Variants in SENP2 observed in about 807,000 individuals in gnomAD.
SENP2 encodes the protein SUMO specific peptidase 2.
A neutral mutation model predicts 86.3 loss-of-function variants in SENP2; 16 were observed. That is an observed-to-expected ratio of 0.19 (90% confidence interval 0.13 to 0.28). SENP2 has a LOEUF of 0.28. Among genes scored for constraint, SENP2 ranks in the 10% least tolerant of loss-of-function variants. SENP2 has a pLI of 1.00. For synonymous variants in SENP2, 222 were observed against 238.7 expected, an observed-to-expected ratio of 0.93 and a Z score of 0.64; for missense variants, 552 against 703.0, an observed-to-expected ratio of 0.79 and a Z score of 2.43.
At chr3:185,590,867 C>CA (rs1196821162) in intron 2 of SENP2, among the ~76,000 whole-genome samples, 1,976 of 13,194 alleles carry the variant, frequency 0.15, 166 homozygotes, top group East Asian at 0.28. Flanking sequence ...CACTCCATCT[C>CA]AAAAAAAAAA....
intron 11 of SENP2, among the ~76,000 whole-genome samples, chr3:185,616,072 AG>A (rs1309638195): frequency 1.3e-5 from 2 of 150,562 alleles, no homozygotes; most frequent in Non-Finnish European, 3.0e-5. Flanking sequence ...CATGCTGGCC[AG>A]GCTGGTCTCG....
intron 11 of SENP2, 113 bp from the exon 12 acceptor site, chr3:185,617,367 C>A (rs1019624645): frequency 3.3e-5 from 24 of 737,826 alleles, no homozygotes; most frequent in Non-Finnish European, 2.8e-5. Context: ...GTATATTTTT[C>A]TCAAGAGTCA....
At chr3:185,591,876 C>T (rs1028677513) in intron 2 of SENP2, among the ~76,000 whole-genome samples, 4 of 151,962 alleles carry the variant, frequency 2.6e-5, no homozygotes, top group African/African-American at 9.7e-5. Flanking sequence ...GTTGGGCCTA[C>T]AGGCACGTTA....
chr3:185,598,077 A>G (rs958558241), intron 2 of SENP2, among the ~76,000 whole-genome samples: 1 of 152,166 alleles, frequency 6.6e-6, no homozygotes, highest in African/African-American at 2.4e-5. Flanking sequence ...CAGTAGCACA[A>G]TCACAGCTCA....
At chr3:185,612,687 T>G (rs1031218747) in intron 9 of SENP2, 29 bp downstream of exon 9, 1 of 1,474,670 alleles carries the variant, frequency 6.8e-7, no homozygotes, top group African/African-American at 1.4e-5. Context: ...TTCTACACTT[T>G]CTTTTAATAT....
chr3:185,611,064 T>C (rs1272929403), intron 7 of SENP2, among the ~76,000 whole-genome samples: 2 of 151,662 alleles, frequency 1.3e-5, no homozygotes, highest in African/African-American at 2.4e-5. Context: ...TCACTGGAGG[T>C]CAGGACTTCG....
chr3:185,632,213 G>GTTTTTTTTTTTTTTTT lies in SENP2; in HGVS notation c.*2379_*2380insTTTTTTTTTTTTTTTT, dbSNP rs369236428. ...CAAATTATCACCATTAAAGCCAGTG[G>GTTTTTTTTTTTTTTTT]TTTTTTTTTTGTTTTTTTTTTTTGT... On this transcript the variant is annotated 3_prime_UTR_variant, in exon 17 of 17. Transcript: ENST00000296257. The GTTTTTTTTTTTTTTTT allele has an allele frequency of 2.4e-5, 3 of 125,326 alleles. No homozygotes were observed. The highest frequency in any genetic ancestry group is 3.0e-5 in the African/African-American group (1 of 33,022). The allele number at this position is 125,326 out of a possible 1,614,324, so 7.8% of individuals were successfully genotyped here. A position where few individuals can be genotyped will look rare whatever the true frequency, so the allele number is the denominator to read the frequency against.
rs2148998251 is a variant in SENP2, at chr3:185,630,445, A to G, written c.*601A>G. 6.5e-6 allele frequency: 1 copy of G among 153,804 alleles called. No homozygotes were observed. The highest frequency in any genetic ancestry group is 6.4e-5 in the Admixed American group (1 of 15,618). 9.5% of individuals were successfully genotyped at this position (153,804 alleles called of 1,614,324 possible). On this transcript the variant is annotated 3_prime_UTR_variant, in exon 17 of 17. Coordinates refer to ENST00000296257, the MANE Select transcript of SENP2 (RefSeq NM_021627.3). ...TTTTTGTTTTTTTGAGGCTCAAAAAATGCTGGGAGAAATGAAAATGCTGTG... is the reference window on the plus strand; with the variant it reads ...TTTTTGTTTTTTTGAGGCTCAAAAAGTGCTGGGAGAAATGAAAATGCTGTG...
chr3:185,631,999 G>GC lies in SENP2; in HGVS notation c.*2157dup, dbSNP rs1712499615. The GC allele has an allele frequency of 1.3e-5, 2 of 151,550 alleles. No individual in the cohort carries two copies. The highest frequency in any genetic ancestry group is 4.8e-5 in the African/African-American group (2 of 41,260). 9.4% of individuals were successfully genotyped at this position (151,550 alleles called of 1,614,324 possible). On this transcript the variant is annotated 3_prime_UTR_variant, in exon 17 of 17. Coordinates refer to ENST00000296257, the MANE Select transcript of SENP2 (RefSeq NM_021627.3). ...GCAGAGTGTTGAAGTCTATAGCATG[G>GC]CCTTCTGCTTGACCCTGAGTTCCTG...
At position 185,587,732 on chromosome 3, in the gene SENP2, ATTTT is replaced by A. The variant is rs59565990; in HGVS notation, c.101+1235_101+1238del. On this transcript the variant is annotated intron_variant, in intron 1 of 16. Transcript: ENST00000296257. ...CAGGCGCCCGCCACCATGCCCGGCT[ATTTT>A]TTTTTTTTTTTTTTTTGAGACAGAG... 2.5e-3 allele frequency among the ~76,000 whole-genome samples: 179 copies of A among 73,008 alleles called. 3 individuals are homozygous for A. The highest frequency in any genetic ancestry group is 9.8e-3 in the African/African-American group (167 of 16,962). 47.9% of individuals were successfully genotyped at this position (73,008 alleles called of 152,430 possible). A position where few individuals can be genotyped will look rare whatever the true frequency, so the allele number is the denominator to read the frequency against.
At chr3:185,599,594 T>C (rs554682373) in intron 4 of SENP2, among the ~76,000 whole-genome samples, 7 of 151,986 alleles carry the variant, frequency 4.6e-5, no homozygotes, top group East Asian at 3.9e-4. Context: ...GCTTGTAAAG[T>C]TGGGGGGGAA....
rs1712561322 is a variant in SENP2, at chr3:185,633,000, C to T, written c.*3156C>T. 6.6e-6 allele frequency: 1 copy of T among 152,156 alleles called. No homozygotes were observed. The highest frequency in any genetic ancestry group is 1.5e-5 in the Non-Finnish European group (1 of 68,018). The allele number at this position is 152,156 out of a possible 1,614,324, so 9.4% of individuals were successfully genotyped here. On this transcript the variant is annotated 3_prime_UTR_variant, in exon 17 of 17. Transcript: ENST00000296257. ...GAGCTGGATGGGGGTGGGAGGGAAA[C>T]AGATTTGGGGCATATGGAAGATATT...
At chr3:185,624,224 G>A in intron 15 of SENP2, 142 bp downstream of exon 15, 2 of 571,918 alleles carry the variant, frequency 3.5e-6, no homozygotes, top group Middle Eastern at 5.4e-4. Context: ...TTTCTTTTTT[G>A]TAGAGATGGG....
chr3:185,631,734 C>T lies in SENP2; in HGVS notation c.*1890C>T, dbSNP rs997381366. The stretch of plus-strand genomic sequence containing the variant: ...ACTAGGTCAGCATCATACCAAACGC[C>T]TGGCTTTCACCAGGCATCAGTGTGC... On this transcript the variant is annotated 3_prime_UTR_variant, in exon 17 of 17. Transcript: ENST00000296257. The T allele has an allele frequency of 6.9e-6, 1 of 143,952 alleles. No homozygotes were observed. The highest frequency in any genetic ancestry group is 1.5e-5 in the Non-Finnish European group (1 of 66,448). 8.9% of individuals were successfully genotyped at this position (143,952 alleles called of 1,614,324 possible). A position where few individuals can be genotyped will look rare whatever the true frequency, so the allele number is the denominator to read the frequency against.
At chr3:185,623,650 C>G (rs981801279) in intron 14 of SENP2, among the ~76,000 whole-genome samples, 1 of 151,598 alleles carries the variant, frequency 6.6e-6, no homozygotes, top group Non-Finnish European at 1.5e-5. Flanking sequence ...CGGTGAAACC[C>G]CATCTCTACT....
chr3:185,606,959 T>C (rs1473649215), intron 6 of SENP2: 3 of 294,460 alleles, frequency 1.0e-5, no homozygotes, highest in African/African-American at 6.6e-5. Context: ...AAATAATATA[T>C]CTACTATGTT....
At chr3:185,588,149 CCAGGTTCACGCCTTT>C (rs1159294859) in intron 1 of SENP2, among the ~76,000 whole-genome samples, 3 of 147,826 alleles carry the variant, frequency 2.0e-5, no homozygotes, top group African/African-American at 7.6e-5. Context: ...CCTCCGCCTT[CCAGGTTCACGCCTTT>C]CTCCTGCCTC....
intron 16 of SENP2, 53 bp downstream of exon 16, chr3:185,626,446 C>T (rs1457344870): frequency 9.6e-6 from 12 of 1,248,774 alleles, no homozygotes; most frequent in Non-Finnish European, 1.3e-5. Flanking sequence ...AGATAAGGCA[C>T]TTGGCCAGTG....
intron 1 of SENP2, among the ~76,000 whole-genome samples, chr3:185,587,929 C>T (rs1158464513): frequency 1.3e-5 from 2 of 149,120 alleles, no homozygotes; most frequent in African/African-American, 5.0e-5. Context: ...TTAGTAGAGA[C>T]GGGGTTTCAC....
Sources: allele counts gnomAD v4.1 joint callset (sites outside exome capture counted in the v4.1 genomes callset), GRCh38; gene constraint gnomAD v4.1.1; transcripts MANE v1.5; gene names NCBI Gene and HGNC (gene_info 2026-07-23, HGNC 2026-07-21).